Variants in DOK5 observed in about 807,000 individuals in gnomAD.
The protein encoded by DOK5 is downstream of tyrosine kinase 5.
In DOK5, 27 loss-of-function variants were observed where a neutral mutation model predicts 43.3. The observed-to-expected ratio is 0.62, with a 90% confidence interval of 0.46 to 0.86. DOK5 has a LOEUF of 0.86. Ranked by LOEUF, DOK5 falls within the 40% of genes least tolerant of loss-of-function variation. The pLI is 0.00. For missense variants in DOK5, 373 were observed against 392.9 expected, an observed-to-expected ratio of 0.95 and a Z score of 0.43; for synonymous variants, 146 against 140.1, an observed-to-expected ratio of 1.04 and a Z score of -0.30.
chr20:54,604,071 C>A (rs1332028491), intron 5 of DOK5, among the ~76,000 whole-genome samples: 2 of 151,396 alleles, frequency 1.3e-5, no homozygotes, highest in Non-Finnish European at 2.9e-5. Context: ...CTCAGCCTCC[C>A]GAGTAGCTGA....
intron 1 of DOK5, among the ~76,000 whole-genome samples, chr20:54,546,794 T>A (rs1356195544): frequency 6.6e-6 from 1 of 152,218 alleles, no homozygotes; most frequent in Non-Finnish European, 1.5e-5. Flanking sequence ...GGGATGCTAA[T>A]GGATCTGCAT....
At chr20:54,545,962 T>C (rs1272022432) in intron 1 of DOK5, among the ~76,000 whole-genome samples, 1 of 152,180 alleles carries the variant, frequency 6.6e-6, no homozygotes, top group Non-Finnish European at 1.5e-5. Context: ...GAAAATAAAC[T>C]TCTTACAGAT....
intron 5 of DOK5, among the ~76,000 whole-genome samples, chr20:54,609,550 T>G (rs1326755086): frequency 6.6e-6 from 1 of 150,442 alleles, no homozygotes; most frequent in Non-Finnish European, 1.5e-5. Context: ...CTAAAATATA[T>G]AGAGAGCATA....
At chr20:54,505,444 A>C (rs1982768792) in intron 1 of DOK5, among the ~76,000 whole-genome samples, 1 of 152,132 alleles carries the variant, frequency 6.6e-6, no homozygotes, top group Non-Finnish European at 1.5e-5. Context: ...AATACCTATA[A>C]ATTCAATTCC....
chr20:54,550,572 C>T (rs925847618), intron 1 of DOK5, among the ~76,000 whole-genome samples: 1 of 152,160 alleles, frequency 6.6e-6, no homozygotes, highest in Non-Finnish European at 1.5e-5. Flanking sequence ...TTCAGACCAT[C>T]GTTAATCTGT....
At chr20:54,528,266 A>G (rs1180167969) in intron 1 of DOK5, among the ~76,000 whole-genome samples, 1 of 152,184 alleles carries the variant, frequency 6.6e-6, no homozygotes, top group Non-Finnish European at 1.5e-5. Context: ...AGATAGAATT[A>G]TATCTCTATG....
intron 2 of DOK5, among the ~76,000 whole-genome samples, chr20:54,569,156 A>G (rs575467688): frequency 6.6e-5 from 10 of 152,320 alleles, no homozygotes; most frequent in Admixed American, 1.3e-4. Context: ...GTAATTCATT[A>G]CATATTATAC....
intron 1 of DOK5, among the ~76,000 whole-genome samples, chr20:54,484,599 C>G (rs1600652406): frequency 6.6e-6 from 1 of 152,274 alleles, no homozygotes; most frequent in East Asian, 1.9e-4. Context: ...ATTTCATCCC[C>G]TGGAGGATCC....
Position 54,588,751 on chromosome 20 carries a change from C to T in DOK5, c.354C>T (p.Asp118=). Residue 118 remains aspartate, a synonymous_variant, in exon 4 of 8, where the codon GAC becomes GAT. Coordinates refer to ENST00000262593, the MANE Select transcript of DOK5 (RefSeq NM_018431.5). The stretch of plus-strand genomic sequence containing the variant: ...AGTGTGTAGGAACACGGATCAATGA[C>T]ATCAGCCTTGGAGAGCCTGACTTAC... The part of the protein sequence containing the change: ...QMECVGTRIN[D]ISLGEPDLLA... The T allele has an allele frequency of 6.2e-7, 1 of 1,614,050 alleles. No homozygotes were observed. The highest frequency in any genetic ancestry group is 8.5e-7 in the Non-Finnish European group (1 of 1,179,948).
At chr20:54,640,636 G>A (rs186660732) in intron 6 of DOK5, among the ~76,000 whole-genome samples, 73 of 152,336 alleles carry the variant, frequency 4.8e-4, no homozygotes, top group African/African-American at 1.7e-3. Context: ...AAAACGCGGC[G>A]TTGCTGTCAT....
intron 2 of DOK5, among the ~76,000 whole-genome samples, chr20:54,578,647 T>A (rs1985533371): frequency 6.6e-6 from 1 of 152,232 alleles, no homozygotes; most frequent in African/African-American, 2.4e-5. Context: ...TCTTTTCTGT[T>A]ATCAAAACTC....
At chr20:54,550,180 C>CAA (rs11483522) in intron 1 of DOK5, among the ~76,000 whole-genome samples, 3,005 of 87,308 alleles carry the variant, frequency 0.034, 120 homozygotes, top group African/African-American at 0.094. Context: ...GATTGGATGG[C>CAA]AAAAAAAAAA....
intron 1 of DOK5, among the ~76,000 whole-genome samples, chr20:54,520,771 G>A (rs1201864089): frequency 6.6e-6 from 1 of 151,834 alleles, no homozygotes; most frequent in Non-Finnish European, 1.5e-5. Flanking sequence ...AAGCAACAAA[G>A]CAAAACCCTG....
At chr20:54,649,594 G>A (rs551526013) in intron 7 of DOK5, among the ~76,000 whole-genome samples, 1 of 152,214 alleles carries the variant, frequency 6.6e-6, no homozygotes, top group African/African-American at 2.4e-5. Flanking sequence ...TCACCTAGCC[G>A]TGTACATTTC....
chr20:54,643,553 C>T lies in DOK5; in HGVS notation c.831C>T (p.Ser277=). The T allele has an allele frequency of 6.2e-7, 1 of 1,613,210 alleles. No homozygotes were observed. The highest frequency in any genetic ancestry group is 1.3e-5 in the African/African-American group (1 of 75,052). ...GGCAGCACATCACACGGCAGCACAGCACGGGACAGCTCTACCGCTTGCAAG... is the reference window on the plus strand; with the variant it reads ...GGCAGCACATCACACGGCAGCACAGTACGGGACAGCTCTACCGCTTGCAAG... The part of the protein sequence containing the change: ...AYWQHITRQH[S]TGQLYRLQDV... The change falls in exon 7 of 8, where the codon AGC becomes AGT. Residue 277 remains serine (S), a synonymous_variant. Coordinates refer to ENST00000262593, the MANE Select transcript of DOK5 (RefSeq NM_018431.5).
At chr20:54,532,572 A>G (rs1037084019) in intron 1 of DOK5, among the ~76,000 whole-genome samples, 3 of 152,204 alleles carry the variant, frequency 2.0e-5, no homozygotes, top group African/African-American at 2.4e-5. Flanking sequence ...GGAGGTGGGT[A>G]TATCTTCACA....
chr20:54,598,631 A>C (rs1986214915), intron 5 of DOK5, among the ~76,000 whole-genome samples: 1 of 152,234 alleles, frequency 6.6e-6, no homozygotes, highest in Non-Finnish European at 1.5e-5. Context: ...AGAGAAGCTC[A>C]GGTGACATTT....
At chr20:54,581,130 C>T (rs1182692787) in intron 2 of DOK5, among the ~76,000 whole-genome samples, 1 of 151,896 alleles carries the variant, frequency 6.6e-6, no homozygotes, top group East Asian at 1.9e-4. Context: ...TGTTGAAAAG[C>T]CTATCATTTT....
intron 1 of DOK5, among the ~76,000 whole-genome samples, chr20:54,476,698 C>T (rs1026965134): frequency 2.0e-5 from 3 of 152,136 alleles, no homozygotes; most frequent in Non-Finnish European, 2.9e-5. Flanking sequence ...TGGCATAGCG[C>T]AAGTGCTCCC....
Sources: allele counts gnomAD v4.1 joint callset (sites outside exome capture counted in the v4.1 genomes callset), GRCh38; gene constraint gnomAD v4.1.1; transcripts MANE v1.5; gene names NCBI Gene and HGNC (gene_info 2026-07-23, HGNC 2026-07-21).